Variants in COL5A2 observed in about 807,000 individuals in gnomAD.
The protein encoded by COL5A2 is collagen alpha-2(V) chain.
Under a neutral mutation model 208.2 loss-of-function variants are expected in COL5A2, and 23 were observed. That is an observed-to-expected ratio of 0.11 (90% CI 0.08 to 0.16). The LOEUF is 0.16. Ranked by LOEUF, COL5A2 falls within the 10% of genes least tolerant of loss-of-function variation. The pLI is 1.00. For synonymous variants in COL5A2, 625 were observed against 628.5 expected (o/e 0.99, Z 0.08); for missense variants, 1,590 against 1,956.4 (o/e 0.81, Z 3.53).
At chr2:189,192,026 C>T in intron 1 of COL5A2, among the ~76,000 whole-genome samples, 1 of 152,116 alleles carries the variant, frequency 6.6e-6, no homozygotes, top group East Asian at 1.9e-4. Flanking sequence ...GATTTGAATT[C>T]TGCTTTTCAC....
At position 189,050,669 on chromosome 2, in the gene COL5A2, T is replaced by A. The variant is rs1311429224; in HGVS notation, c.2939A>T (p.Asp980Val). 2 of 1,551,374 alleles carry A rather than the reference T, an allele frequency of 1.3e-6. No individual in the cohort carries two copies. Among genetic ancestry groups the A allele is most frequent in the African/African-American group, 1.4e-5 (1 of 73,014 alleles). ...CGTTCCAGCTGGACCAGGGGGGCCA[T>A]CTGGACCCTAATGTTGAGGACAAAC... is the stretch of plus-strand genomic sequence containing the variant. ...DPGEDGQPGP[D>V]GPPGPAGTTG... Residue 980 changes from aspartate (D) to valine (V), a missense_variant, in exon 43 of 54, where the codon GAT (aspartate) becomes GTT (valine). By Grantham distance (152) the Asp-to-Val change is radical. Transcript: ENST00000374866.
the COL5A2 span, among the ~76,000 whole-genome samples, chr2:189,237,723 T>A: frequency 6.6e-6 from 1 of 152,058 alleles, no homozygotes; most frequent in African/African-American, 2.4e-5. Flanking sequence ...TGTGTACTTT[T>A]AATAATAAAT....
intron 33 of COL5A2, among the ~76,000 whole-genome samples, chr2:189,057,970 C>T (rs553508309): frequency 6.6e-6 from 1 of 152,284 alleles, no homozygotes; most frequent in East Asian, 1.9e-4. Context: ...AAATGGCACA[C>T]ATTTCTGCCT....
At chr2:189,075,499 A>T in intron 16 of COL5A2, 62 bp from the exon 17 acceptor site, 1 of 1,354,856 alleles carries the variant, frequency 7.4e-7, no homozygotes, top group Non-Finnish European at 1.0e-6. Flanking sequence ...ATTTTCTCTT[A>T]TTTGCCTTAT....
chr2:189,125,733 G>A (rs1449829278), intron 1 of COL5A2, among the ~76,000 whole-genome samples: 1 of 151,992 alleles, frequency 6.6e-6, no homozygotes, highest in Non-Finnish European at 1.5e-5. Flanking sequence ...TTACAGGTAA[G>A]GTTTCCAGTC....
At chr2:189,242,646 C>A in the COL5A2 span, among the ~76,000 whole-genome samples, 3 of 152,076 alleles carry the variant, frequency 2.0e-5, no homozygotes, top group Non-Finnish European at 4.4e-5. Context: ...GTGAGAAAGA[C>A]CATGATATAC....
At chr2:189,062,986 C>T (rs778191346) in intron 28 of COL5A2, 24 bp downstream of exon 28, 1 of 1,614,052 alleles carries the variant, frequency 6.2e-7, no homozygotes, top group Admixed American at 1.7e-5. Flanking sequence ...CATTATTTTT[C>T]TTTAGCAGAA....
chr2:189,405,914 A>G, the COL5A2 span, among the ~76,000 whole-genome samples: 1 of 152,230 alleles, frequency 6.6e-6, no homozygotes, highest in African/African-American at 2.4e-5. Context: ...AGGCTAATAA[A>G]TTAATCTGTT....
the COL5A2 span, among the ~76,000 whole-genome samples, chr2:189,351,909 T>A: frequency 6.6e-6 from 1 of 152,070 alleles, no homozygotes; most frequent in Admixed American, 6.6e-5. Context: ...GCTGCACCCA[T>A]CAACCTGTCA....
intron 1 of COL5A2, among the ~76,000 whole-genome samples, chr2:189,162,219 T>C (rs903043944): frequency 2.0e-5 from 3 of 152,198 alleles, no homozygotes; most frequent in African/African-American, 7.2e-5. Flanking sequence ...ACGATTAACT[T>C]CTTGGGAGTA....
the COL5A2 span, among the ~76,000 whole-genome samples, chr2:189,258,980 T>A: frequency 6.6e-6 from 1 of 152,216 alleles, no homozygotes; most frequent in Non-Finnish European, 1.5e-5. Context: ...CTTCACCAGA[T>A]GTTCTCTAAG....
chr2:189,185,760 A>G (rs892005884), intron 1 of COL5A2, among the ~76,000 whole-genome samples: 3 of 152,226 alleles, frequency 2.0e-5, no homozygotes, highest in African/African-American at 7.2e-5. Context: ...TGTTTGCTTG[A>G]TAGCTATTTC....
the COL5A2 span, among the ~76,000 whole-genome samples, chr2:189,375,277 A>C: frequency 2.0e-5 from 3 of 152,224 alleles, no homozygotes; most frequent in South Asian, 6.2e-4. Flanking sequence ...TCGGCCTCCC[A>C]AACTGCTGGG....
At chr2:189,126,393 AAAAG>A (rs1218587488) in intron 1 of COL5A2, among the ~76,000 whole-genome samples, 2 of 152,090 alleles carry the variant, frequency 1.3e-5, no homozygotes, top group East Asian at 3.8e-4. Context: ...GTTTATTACC[AAAAG>A]AAATTATTTC....
chr2:189,098,829 A>C, intron 4 of COL5A2, 70 bp from the exon 5 acceptor site: 1 of 1,128,904 alleles, frequency 8.9e-7, no homozygotes, highest in Non-Finnish European at 1.3e-6. Context: ...AATAGTAACA[A>C]ATAAGAATAA....
intron 37 of COL5A2, 99 bp downstream of exon 37, chr2:189,053,796 A>G (rs1685841454): frequency 8.9e-7 from 1 of 1,120,782 alleles, no homozygotes; most frequent in African/African-American, 1.6e-5. Context: ...ACATAACCTA[A>G]AACCAATAAG....
the COL5A2 span, among the ~76,000 whole-genome samples, chr2:189,394,385 A>G: frequency 6.6e-6 from 1 of 152,122 alleles, no homozygotes; most frequent in Non-Finnish European, 1.5e-5. Flanking sequence ...CTAATACCCA[A>G]TGTGATGGTA....
chr2:189,256,705 G>A, the COL5A2 span, among the ~76,000 whole-genome samples: 2 of 152,182 alleles, frequency 1.3e-5, no homozygotes, highest in African/African-American at 2.4e-5. Context: ...AGACTGGAGT[G>A]CAGTGGTGCA....
chr2:189,381,405 C>A, the COL5A2 span, among the ~76,000 whole-genome samples: 72 of 152,022 alleles, frequency 4.7e-4, no homozygotes, highest in African/African-American at 1.7e-3. Context: ...TGCACTGTTT[C>A]CAATCATCCA....
Sources: gnomAD v4.1 joint callset for allele counts (sites outside exome capture counted in the v4.1 genomes callset) on GRCh38, gnomAD v4.1.1 for gene constraint, MANE v1.5 for transcripts, NCBI Gene and HGNC (gene_info 2026-07-23, HGNC 2026-07-21) for gene names.